The following GET1 variants were observed in gnomAD, a reference collection of about 807,000 sequenced individuals.
GET1 encodes guided entry of tail-anchored proteins factor 1.
Under a neutral mutation model 22.6 loss-of-function variants are expected in GET1, and 20 were observed. The ratio of observed to expected loss-of-function variants is 0.89; its 90% CI spans 0.62 to 1.29. The LOEUF is 1.29. Among genes scored for constraint, GET1 ranks in the 50% most tolerant of loss-of-function variants. The pLI, the probability that GET1 is intolerant of heterozygous loss-of-function variation, is 0.00. For synonymous variants in GET1, 92 were observed against 83.8 expected (o/e 1.10, Z -0.53); for missense variants, 209 against 219.9 (o/e 0.95, Z 0.31).
At position 39,423,495 on chromosome 21, in the gene GET1, G is replaced by A. The variant is rs761578327; in HGVS notation, c.*24-4737G>A. The stretch of plus-strand genomic sequence containing the variant: ...CAACTGATATTTCCTTCTGGCCTGT[G>A]TAAGCAGAAAATCCAGTTTATTACT... On this transcript the variant is annotated intron_variant, in intron 1 of 1. Transcript: ENST00000478273. 26 of 1,537,844 alleles carry A rather than the reference G, an allele frequency of 1.7e-5. No homozygotes were observed. The East Asian group carries it at 4.5e-4, about 27-fold the overall frequency.
At chr21:39,420,831 G>A (rs1569093737) in intron 1 of GET1, 1 of 1,612,646 alleles carries the variant, frequency 6.2e-7, no homozygotes, top group Admixed American at 1.7e-5. Flanking sequence ...AACCTCAGTT[G>A]TTTTTCCAAG....
chr21:39,382,470 T>C (rs1024911838), intron 1 of GET1, among the ~76,000 whole-genome samples: 2 of 152,244 alleles, frequency 1.3e-5, no homozygotes, highest in Middle Eastern at 3.2e-3. Context: ...CTCTGTGAAT[T>C]TGACTACTCT....
At position 39,393,265 on chromosome 21, in the gene GET1, C is replaced by T. The variant is rs1465240110; in HGVS notation, c.436C>T (p.Pro146Ser). The change falls in exon 4 of 5, where the codon CCT becomes TCT. Residue 146 changes from proline to serine, a missense_variant. Transcript: ENST00000649170. Reference sequence around the variant, plus strand: ...CCCTCTAGACCGCCTGGTAGCCTTTCCTACTAGAGTAGCAGGTAAGAATTT... The same window carrying T: ...CCCTCTAGACCGCCTGGTAGCCTTTTCTACTAGAGTAGCAGGTAAGAATTT... ...ITPLDRLVAFPTRVAGGVGIT... is the reference protein window; with the variant it reads ...ITPLDRLVAFSTRVAGGVGIT... 1 of 1,613,972 alleles carries T rather than the reference C, an allele frequency of 6.2e-7. No homozygotes were observed. The highest frequency in any genetic ancestry group is 1.3e-5 in the African/African-American group (1 of 75,032).
At chr21:39,419,380 C>G (rs905570013) in intron 1 of GET1, among the ~76,000 whole-genome samples, 1 of 151,968 alleles carries the variant, frequency 6.6e-6, no homozygotes, top group Admixed American at 6.6e-5. Context: ...TAAAAATTAG[C>G]TGGGTATGGT....
At chr21:39,380,539 C>G in intron 1 of GET1, 53 bp downstream of exon 1, 2 of 1,574,318 alleles carry the variant, frequency 1.3e-6, no homozygotes, top group South Asian at 2.3e-5. Context: ...CCCCAGTCCC[C>G]CGGCGGGTCT....
intron 1 of GET1, among the ~76,000 whole-genome samples, chr21:39,383,170 G>T (rs2037669014): frequency 6.6e-6 from 1 of 151,792 alleles, no homozygotes; most frequent in Admixed American, 6.6e-5. Context: ...TAGCCAGGAT[G>T]GTCTCGATCT....
chr21:39,402,914 A>G lies in GET1; in HGVS notation c.350-3000A>G, dbSNP rs1004071165. On this transcript the variant is annotated intron_variant, in intron 4 of 4. Transcript: ENST00000415847. ...GTTACCCTCTAACTTTTTTATTCAT[A>G]CAGTTAAGATGACTAGACAACAACA... Among the ~76,000 whole-genome samples the G allele has an allele frequency of 6.0e-4, 91 of 152,210 alleles. 5 individuals carry two copies. Among genetic ancestry groups the G allele is most frequent in the Non-Finnish European group, 2.9e-5 (2 of 68,040 alleles).
chr21:39,394,567 C>T lies in GET1; in HGVS notation c.451+1287C>T, dbSNP rs188380101. On this transcript the variant is annotated intron_variant, in intron 4 of 4. Transcript: ENST00000649170. ...AACAGAAATTTATTTCTCACTGTTC[C>T]GGAGGCTGGGGAGTCCAAAATCAAG... is the stretch of plus-strand genomic sequence containing the variant. Among the ~76,000 whole-genome samples the T allele has an allele frequency of 9.5e-4, 145 of 152,190 alleles. 1 individual carries two copies. The highest frequency in any genetic ancestry group is 3.4e-3 in the Middle Eastern group (1 of 294).
intron 1 of GET1, chr21:39,420,571 G>T: frequency 1.9e-6 from 1 of 538,908 alleles, no homozygotes; most frequent in Non-Finnish European, 3.0e-6. Flanking sequence ...GGGGGCCCAG[G>T]CCCCCTACAA....
chr21:39,415,815 A>G (rs1245527495), intron 1 of GET1, among the ~76,000 whole-genome samples: 1 of 152,096 alleles, frequency 6.6e-6, no homozygotes, highest in Non-Finnish European at 1.5e-5. Flanking sequence ...GGTATCTGTA[A>G]TGCAGTTTCC....
intron 4 of GET1, among the ~76,000 whole-genome samples, chr21:39,404,383 A>G (rs1401805902): frequency 3.9e-5 from 6 of 152,194 alleles, no homozygotes; most frequent in Non-Finnish European, 7.4e-5. Context: ...AGGTGTACAC[A>G]AGGAAAGCAT....
chr21:39,390,108 T>C (rs2038201071), intron 1 of GET1, among the ~76,000 whole-genome samples: 1 of 147,612 alleles, frequency 6.8e-6, no homozygotes, highest in Non-Finnish European at 1.5e-5. Flanking sequence ...GCTGGCTGTG[T>C]AGGTAGAGGG....
intron 1 of GET1, chr21:39,381,064 G>A (rs2037525720): frequency 4.7e-6 from 3 of 639,128 alleles, no homozygotes; most frequent in Non-Finnish European, 5.8e-6. Flanking sequence ...TGCTGGGAGA[G>A]GCGAGTATTA....
intron 1 of GET1, among the ~76,000 whole-genome samples, chr21:39,419,104 AATTC>A (rs1474304112): frequency 6.6e-6 from 1 of 152,142 alleles, no homozygotes; most frequent in African/African-American, 2.4e-5. Flanking sequence ...ATACCAACAT[AATTC>A]ATCAGATGAA....
At chr21:39,416,561 G>A (rs1370411186) in intron 1 of GET1, among the ~76,000 whole-genome samples, 1 of 152,078 alleles carries the variant, frequency 6.6e-6, no homozygotes, top group African/African-American at 2.4e-5. Context: ...GGGTGCTGGA[G>A]GTGTTCATTG....
intron 1 of GET1, among the ~76,000 whole-genome samples, chr21:39,387,223 A>G (rs1019019100): frequency 2.0e-5 from 3 of 152,010 alleles, no homozygotes; most frequent in African/African-American, 7.3e-5. Flanking sequence ...GTTTTTGTTA[A>G]CCTTACAAAG....
intron 4 of GET1, 87 bp from the exon 5 acceptor site, chr21:39,396,777 ACT>A (rs1454063447): frequency 4.2e-6 from 5 of 1,187,292 alleles, no homozygotes; most frequent in South Asian, 2.5e-5. Context: ...GAATGGAAAT[ACT>A]CTCTTTGCTG....
chr21:39,393,321 G>C (rs1226800284), intron 4 of GET1, 41 bp downstream of exon 4: 18 of 1,480,246 alleles, frequency 1.2e-5, no homozygotes, highest in Non-Finnish European at 1.7e-5. Context: ...AGTGTGAATA[G>C]GCTTATGTAG....
exon 5 of GET1, chr21:39,406,378 A>ATG: frequency 6.2e-7 from 1 of 1,613,592 alleles, no homozygotes; most frequent in South Asian, 1.1e-5. Flanking sequence ...GCCTTTGCCA[A>ATG]GTGTGTCATC....
Sources: allele counts gnomAD v4.1 joint callset (sites outside exome capture counted in the v4.1 genomes callset), GRCh38; gene constraint gnomAD v4.1.1; transcripts MANE v1.5; gene names NCBI Gene and HGNC (gene_info 2026-07-23, HGNC 2026-07-21).